The following KLHL5 variants were observed in gnomAD, a reference collection of about 807,000 sequenced individuals.
KLHL5 encodes the protein kelch-like protein 5.
Under a neutral mutation model 77.7 loss-of-function variants are expected in KLHL5, and 48 were observed. The ratio of observed to expected loss-of-function variants is 0.62; its 90% CI spans 0.49 to 0.79. KLHL5 has a LOEUF of 0.79. Ranked by LOEUF, KLHL5 falls within the 30% of genes least tolerant of loss-of-function variation. The probability of loss-of-function intolerance (pLI) is 0.00; values close to 1 mark genes in which losing one functional copy is unlikely to be tolerated. For missense variants in KLHL5, 723 were observed against 859.7 expected (o/e 0.84, Z 1.99); for synonymous variants, 260 against 297.0 (o/e 0.88, Z 1.28).
rs1722575165 is a variant in KLHL5 at position 39,113,102 on chromosome 4, C to G, written c.1771C>G (p.Leu591Val). 1.2e-6 allele frequency: 2 copies of G among 1,613,976 alleles called. No individual in the cohort carries two copies. Among genetic ancestry groups the G allele is most frequent in the Non-Finnish European group, 1.7e-6 (2 of 1,179,894 alleles). The change falls in exon 9 of 11, where the codon CTG (leucine) becomes GTG (valine). Residue 591 changes from leucine (L) to valine (V), a missense_variant. Leu to Val is a conservative substitution (Grantham distance 32, BLOSUM62 1). This residue lies in a region of KLHL5 where 214 missense variants were observed against 237.4 expected (regional missense o/e 0.90). Transcript: ENST00000504108. ...TGATCCTCATACTAATAAGTGGACA[C>G]TGTGTGCACAGATGTCAAAAAGGAG... ...CFDPHTNKWT[L>V]CAQMSKRRGG... is the part of the protein sequence containing the mutation.
intron 1 of KLHL5, among the ~76,000 whole-genome samples, chr4:39,067,908 C>A (rs1016905922): frequency 6.6e-6 from 1 of 152,042 alleles, no homozygotes; most frequent in African/African-American, 2.4e-5. Context: ...GTCTCAAACT[C>A]CTGAGCTCAA....
intron 5 of KLHL5, among the ~76,000 whole-genome samples, chr4:39,089,046 T>C (rs1334385662): frequency 6.6e-6 from 1 of 152,192 alleles, no homozygotes; most frequent in Non-Finnish European, 1.5e-5. Flanking sequence ...TCAGAAATTT[T>C]ATTTTATTTC....
chr4:39,053,025 T>C (rs1388573757), intron 1 of KLHL5, among the ~76,000 whole-genome samples: 36 of 152,216 alleles, frequency 2.4e-4, no homozygotes, highest in Admixed American at 2.4e-3. Flanking sequence ...TTGAACAGGT[T>C]ATTGGTGGCT....
intron 1 of KLHL5, among the ~76,000 whole-genome samples, chr4:39,047,467 G>A (rs1716279724): frequency 6.6e-6 from 1 of 152,210 alleles, no homozygotes; most frequent in Non-Finnish European, 1.5e-5. Flanking sequence ...TTCTTCATTA[G>A]TATTTCTTAC....
chr4:39,070,201 T>C (rs562822268), intron 1 of KLHL5, among the ~76,000 whole-genome samples: 8 of 152,250 alleles, frequency 5.3e-5, no homozygotes, highest in African/African-American at 1.2e-4. Flanking sequence ...CCAGGCCTCA[T>C]TGGCTTCTAC....
chr4:39,045,313 C>T lies in KLHL5; in HGVS notation c.-95+217C>T, dbSNP rs1046333135. On this transcript the variant is annotated intron_variant, in intron 1 of 11. Transcript: ENST00000261425. ...ACCGCGCCCGGGGCTCGAACCCCGG[C>T]CCGGCCTCCCCGCTGCGCACCCCCG... Among the ~76,000 whole-genome samples the T allele has an allele frequency of 9.3e-5, 14 of 150,734 alleles. No individual in the cohort carries two copies. In the South Asian group the frequency reaches 1.0e-3, roughly 11 times the overall value.
chr4:39,090,628 T>C (rs1223519996), intron 5 of KLHL5, among the ~76,000 whole-genome samples: 1 of 152,050 alleles, frequency 6.6e-6, no homozygotes, highest in African/African-American at 2.4e-5. Flanking sequence ...TTTGTATTTT[T>C]AGTAGAGATG....
At chr4:39,071,820 T>G (rs889501134) in intron 1 of KLHL5, among the ~76,000 whole-genome samples, 1 of 152,200 alleles carries the variant, frequency 6.6e-6, no homozygotes, top group South Asian at 2.1e-4. Flanking sequence ...ATTAAATGTT[T>G]CCCTGTAGAC....
chr4:39,107,560 T>C lies in KLHL5; in HGVS notation c.1526-9T>C. Reference sequence around the variant, plus strand: ...CTGAAGTCGTTAATTGTTTCCTGTCTCCTCATAGGTGTGGCTGTACTGGAA... The same window carrying C: ...CTGAAGTCGTTAATTGTTTCCTGTCCCCTCATAGGTGTGGCTGTACTGGAA... On this transcript the variant is annotated splice_polypyrimidine_tract_variant and intron_variant, in intron 7 of 10. Coordinates refer to ENST00000504108, the MANE Select transcript of KLHL5 (RefSeq NM_015990.5). The C allele has an allele frequency of 6.3e-7, 1 of 1,575,068 alleles. No homozygotes were observed. Among genetic ancestry groups the C allele is most frequent in the Non-Finnish European group, 8.6e-7 (1 of 1,157,074 alleles).
At chr4:39,044,951 A>T, upstream of KLHL5, 1 of 900,390 alleles carries the variant, frequency 1.1e-6, no homozygotes, top group Non-Finnish European at 1.3e-6. Context: ...GGCGCCGGGG[A>T]TGAGGCTGCC....
intron 6 of KLHL5, among the ~76,000 whole-genome samples, chr4:39,102,515 T>TC (rs34198985): frequency 0.74 from 112,874 of 151,590 alleles, 42,099 homozygotes; most frequent in East Asian, 0.83. Flanking sequence ...TAGAATATGT[T>TC]CCCTCCTCCC....
rs1417015135 is a variant in KLHL5, at chr4:39,124,019, C to CT, written c.*2954dup. On this transcript the variant is annotated 3_prime_UTR_variant, in exon 11 of 11. Coordinates refer to ENST00000504108, the MANE Select transcript of KLHL5 (RefSeq NM_015990.5). ...GGTTGCAAGATCAACACACAAAAGTCTAAGAAAAACCTGAGGGGAAATTAA... is the reference window on the plus strand; with the variant it reads ...GGTTGCAAGATCAACACACAAAAGTCTTAAGAAAAACCTGAGGGGAAATTAA... Among the ~76,000 whole-genome samples, 6 of 151,972 alleles carry CT rather than the reference C, an allele frequency of 3.9e-5. No homozygotes were observed. The highest frequency in any genetic ancestry group is 3.9e-4 in the Admixed American group (6 of 15,266).
chr4:39,047,764 A>G (rs1239509679), intron 1 of KLHL5, among the ~76,000 whole-genome samples: 2 of 152,236 alleles, frequency 1.3e-5, no homozygotes, highest in Non-Finnish European at 2.9e-5. Context: ...GGATGTAAAT[A>G]TGGGATTGAC....
At chr4:39,067,824 G>A (rs1467128425) in intron 1 of KLHL5, among the ~76,000 whole-genome samples, 1 of 151,984 alleles carries the variant, frequency 6.6e-6, no homozygotes, top group African/African-American at 2.4e-5. Flanking sequence ...GGGATTACAA[G>A]CACGTACCAC....
intron 1 of KLHL5, among the ~76,000 whole-genome samples, chr4:39,068,796 CAG>C (rs3043433): frequency 0.73 from 110,328 of 151,842 alleles, 40,238 homozygotes; most frequent in East Asian, 0.82. Context: ...TGTTTAGAAT[CAG>C]ATATATTAGG....
chr4:39,047,453 G>C (rs370174479), intron 1 of KLHL5, among the ~76,000 whole-genome samples: 1 of 152,170 alleles, frequency 6.6e-6, no homozygotes, highest in African/African-American at 2.4e-5. Flanking sequence ...TATTCTTCAG[G>C]CAGTTCTTCA....
At chr4:39,049,572 A>G (rs1292603614) in intron 1 of KLHL5, among the ~76,000 whole-genome samples, 1 of 151,878 alleles carries the variant, frequency 6.6e-6, no homozygotes, top group Non-Finnish European at 1.5e-5. Context: ...CTCCAGTCCG[A>G]GCTTCCTTGG....
intron 2 of KLHL5, among the ~76,000 whole-genome samples, chr4:39,080,710 C>A (rs1441282058): frequency 2.6e-5 from 4 of 151,632 alleles, no homozygotes; most frequent in Non-Finnish European, 5.9e-5. Flanking sequence ...TAGCAAAAAC[C>A]ATTTTCAAAT....
At chr4:39,135,924 G>A in the KLHL5 span, among the ~76,000 whole-genome samples, 6 of 151,382 alleles carry the variant, frequency 4.0e-5, no homozygotes, top group African/African-American at 1.5e-4. Context: ...ACAAACTGGC[G>A]TATATGTTTA....
Sources: gnomAD v4.1 joint callset for allele counts (sites outside exome capture counted in the v4.1 genomes callset) on GRCh38, gnomAD v4.1.1 for gene constraint, gnomAD v4.1.1 regional missense constraint, MANE v1.5 for transcripts, NCBI Gene and HGNC (gene_info 2026-07-23, HGNC 2026-07-21) for gene names.